TAFA1: variants seen among roughly 807,000 people sequenced by gnomAD.
TAFA1 encodes the protein TAFA chemokine like family member 1, also known as chemokine-like protein TAFA-1.
TAFA1 carries 4 observed loss-of-function variants against 18.5 expected under a neutral mutation model. The observed-to-expected ratio is 0.22, with a 90% CI of 0.11 to 0.49. TAFA1 has a LOEUF of 0.49. Among genes scored for constraint, TAFA1 ranks in the 20% least tolerant of loss-of-function variants. The probability of loss-of-function intolerance (pLI) is 0.98; values close to 1 mark genes in which losing one functional copy is unlikely to be tolerated. For synonymous variants in TAFA1, 56 were observed against 55.2 expected (o/e 1.01, Z -0.06); for missense variants, 147 against 169.0 (o/e 0.87, Z 0.72).
At chr3:68,191,200 C>T (rs760706054) in intron 2 of TAFA1, among the ~76,000 whole-genome samples, 5 of 151,758 alleles carry the variant, frequency 3.3e-5, no homozygotes, top group Non-Finnish European at 5.9e-5. Context: ...GTGGTAAACA[C>T]ATTATAATAT....
At chr3:68,280,485 T>C (rs1287280610) in intron 2 of TAFA1, among the ~76,000 whole-genome samples, 1 of 152,144 alleles carries the variant, frequency 6.6e-6, no homozygotes, top group Non-Finnish European at 1.5e-5. Flanking sequence ...TTTCAGATGG[T>C]AAAGACCGCT....
chr3:68,207,690 A>G (rs1332514359), intron 2 of TAFA1, among the ~76,000 whole-genome samples: 2 of 151,992 alleles, frequency 1.3e-5, no homozygotes, highest in African/African-American at 4.8e-5. Flanking sequence ...TTTCATTAAA[A>G]TATCTATTCT....
chr3:68,203,404 T>C (rs1348466451), intron 2 of TAFA1, among the ~76,000 whole-genome samples: 1 of 151,750 alleles, frequency 6.6e-6, no homozygotes, highest in African/African-American at 2.4e-5. Context: ...TCCTGACATG[T>C]CTGTTTCTGA....
chr3:68,318,624 T>C (rs1462752695), intron 2 of TAFA1, among the ~76,000 whole-genome samples: 1 of 152,234 alleles, frequency 6.6e-6, no homozygotes, highest in African/African-American at 2.4e-5. Flanking sequence ...GTTTTTCTTC[T>C]TCTTTGAGTG....
At chr3:68,072,366 G>A (rs2064766320) in intron 2 of TAFA1, among the ~76,000 whole-genome samples, 1 of 152,122 alleles carries the variant, frequency 6.6e-6, no homozygotes, top group South Asian at 2.1e-4. Flanking sequence ...GAAGGTCCTT[G>A]AGTTTTATAC....
intron 2 of TAFA1, among the ~76,000 whole-genome samples, chr3:68,267,942 T>A (rs1045569441): frequency 6.6e-6 from 1 of 152,174 alleles, no homozygotes; most frequent in East Asian, 1.9e-4. Flanking sequence ...AAATACAAAC[T>A]GGCAAAGATA....
At chr3:68,019,164 C>T (rs1052811857) in intron 2 of TAFA1, among the ~76,000 whole-genome samples, 22 of 152,194 alleles carry the variant, frequency 1.4e-4, no homozygotes, top group African/African-American at 4.1e-4. Context: ...ATTAGCCAGG[C>T]ATCTGTTTCT....
At chr3:68,293,275 C>G (rs1037419797) in intron 2 of TAFA1, among the ~76,000 whole-genome samples, 1 of 152,128 alleles carries the variant, frequency 6.6e-6, no homozygotes, top group Non-Finnish European at 1.5e-5. Context: ...ACCCATGGAC[C>G]TCAGATTAAG....
chr3:68,359,914 A>G (rs1389324404), intron 2 of TAFA1, among the ~76,000 whole-genome samples: 2 of 152,032 alleles, frequency 1.3e-5, no homozygotes, highest in East Asian at 3.9e-4. Context: ...GACATATTGA[A>G]TAAAACATGT....
chr3:68,434,449 A>G (rs574767038), intron 3 of TAFA1, among the ~76,000 whole-genome samples: 1 of 152,082 alleles, frequency 6.6e-6, no homozygotes, highest in Non-Finnish European at 1.5e-5. Flanking sequence ...ACCTTATTAG[A>G]TACCATACCT....
chr3:68,224,168 T>C (rs934426511), intron 2 of TAFA1, among the ~76,000 whole-genome samples: 1 of 152,056 alleles, frequency 6.6e-6, no homozygotes, highest in Non-Finnish European at 1.5e-5. Flanking sequence ...AATGCATGTA[T>C]GAATTGTCTT....
At chr3:68,332,231 A>T (rs574663631) in intron 2 of TAFA1, among the ~76,000 whole-genome samples, 6 of 152,246 alleles carry the variant, frequency 3.9e-5, no homozygotes, top group South Asian at 2.1e-4. Context: ...AACAGAAAAA[A>T]AAAAGAAATT....
chr3:68,221,072 A>G (rs2066723843), intron 2 of TAFA1, among the ~76,000 whole-genome samples: 1 of 152,166 alleles, frequency 6.6e-6, no homozygotes, highest in South Asian at 2.1e-4. Context: ...ACACAAGTGT[A>G]GCTCAGGGAA....
At chr3:68,327,551 G>A (rs2068796932) in intron 2 of TAFA1, among the ~76,000 whole-genome samples, 1 of 152,022 alleles carries the variant, frequency 6.6e-6, no homozygotes. Context: ...ACATCTCTAA[G>A]CTTCAATTCT....
At chr3:68,438,166 C>G (rs2071298809) in intron 3 of TAFA1, among the ~76,000 whole-genome samples, 1 of 152,036 alleles carries the variant, frequency 6.6e-6, no homozygotes, top group Admixed American at 6.6e-5. Context: ...TGAGACCAGC[C>G]TGAGCAACAG....
chr3:68,117,100 G>A (rs936836249), intron 2 of TAFA1, among the ~76,000 whole-genome samples: 4 of 152,070 alleles, frequency 2.6e-5, no homozygotes, highest in Non-Finnish European at 4.4e-5. Flanking sequence ...TCTCTTTTGC[G>A]CAAATAAGTT....
intron 2 of TAFA1, among the ~76,000 whole-genome samples, chr3:68,264,157 C>T (rs1238913990): frequency 2.0e-5 from 3 of 151,942 alleles, no homozygotes; most frequent in African/African-American, 4.8e-5. Flanking sequence ...GTAATCCCAG[C>T]GATTCGGGAG....
chr3:68,493,334 G>A (rs2072487513), intron 3 of TAFA1, among the ~76,000 whole-genome samples: 1 of 152,122 alleles, frequency 6.6e-6, no homozygotes, highest in South Asian at 2.1e-4. Context: ...CCTTTTTAAA[G>A]CTAAATAATA....
chr3:68,175,112 G>T (rs2066107277), intron 2 of TAFA1, among the ~76,000 whole-genome samples: 1 of 152,246 alleles, frequency 6.6e-6, no homozygotes, highest in South Asian at 2.1e-4. Context: ...GAAGGTTTGG[G>T]AACCTCTGCC....
Sources: allele counts gnomAD v4.1 joint callset (sites outside exome capture counted in the v4.1 genomes callset), GRCh38; gene constraint gnomAD v4.1.1; transcripts MANE v1.5; gene names NCBI Gene and HGNC (gene_info 2026-07-23, HGNC 2026-07-21).